The following ZNF280D variants were observed in gnomAD, a reference collection of about 807,000 sequenced individuals.
ZNF280D encodes suppressor of hairy wing homolog 4.
A neutral mutation model predicts 94.7 loss-of-function variants in ZNF280D; 39 were observed. The ratio of observed to expected loss-of-function variants is 0.41; its 90% confidence interval spans 0.32 to 0.54. The LOEUF (loss-of-function observed/expected upper bound fraction) is 0.54. Among genes scored for constraint, ZNF280D ranks in the 20% least tolerant of loss-of-function variants. The pLI, the probability that ZNF280D is intolerant of heterozygous loss-of-function variation, is 0.22. For missense variants in ZNF280D, 1,090 were observed against 1,149.3 expected (o/e 0.95, Z 0.75); for synonymous variants, 398 against 377.6 (o/e 1.05, Z -0.63).
chr15:56,661,649 A>C (rs2053950831), intron 16 of ZNF280D, among the ~76,000 whole-genome samples: 1 of 152,068 alleles, frequency 6.6e-6, no homozygotes, highest in Non-Finnish European at 1.5e-5. Context: ...ATCTTCCCTT[A>C]TTTCTTGTTT....
chr15:56,653,896 C>T, intron 19 of ZNF280D: 1 of 1,254,168 alleles, frequency 8.0e-7, no homozygotes, highest in African/African-American at 1.6e-5. Context: ...GAATAAGAAT[C>T]TAGTCCCATT....
chr15:56,712,594 C>CAAAAA (rs1171267893), intron 1 of ZNF280D, among the ~76,000 whole-genome samples: 14 of 76,922 alleles, frequency 1.8e-4, no homozygotes, highest in Non-Finnish European at 2.5e-4. Flanking sequence ...ACCCTCATAC[C>CAAAAA]AAAAAAAAAA....
intron 1 of ZNF280D, among the ~76,000 whole-genome samples, chr15:56,710,474 C>A (rs2057699343): frequency 1.3e-5 from 2 of 151,662 alleles, no homozygotes; most frequent in South Asian, 4.2e-4. Flanking sequence ...ACTACTAACT[C>A]AGGTACAGAT....
At chr15:56,648,217 T>G (rs148316679) in intron 19 of ZNF280D, among the ~76,000 whole-genome samples, 1 of 152,280 alleles carries the variant, frequency 6.6e-6, no homozygotes, top group Non-Finnish European at 1.5e-5. Flanking sequence ...TAAAACATGC[T>G]GAGTATCACT....
At chr15:56,710,454 C>G (rs757511105) in intron 1 of ZNF280D, among the ~76,000 whole-genome samples, 2 of 151,696 alleles carry the variant, frequency 1.3e-5, no homozygotes, top group Non-Finnish European at 2.9e-5. Flanking sequence ...AAAGAGGACT[C>G]TCAACTTCAA....
Position 56,666,940 on chromosome 15 carries a change from G to A in ZNF280D, c.1592C>T (p.Pro531Leu). The A allele has an allele frequency of 6.2e-7, 1 of 1,611,760 alleles. No individual in the cohort carries two copies. Among genetic ancestry groups the A allele is most frequent in the Non-Finnish European group, 8.5e-7 (1 of 1,178,838 alleles). Residue 531 changes from proline to leucine, a missense_variant, in exon 15 of 22, where the codon CCT becomes CTT. By Grantham distance (98) the Pro-to-Leu change is moderately conservative. This residue lies in a region of ZNF280D where 577 missense variants were observed against 568.8 expected (regional missense o/e 1.01). Coordinates refer to ENST00000267807, the MANE Select transcript of ZNF280D (RefSeq NM_017661.4). ...AGCACTTGCACTAATGGAAGGTGTA[G>A]GTGAAGCTCCTGATTGCAGAGGTCC... ...SVGPLQSGAS[P>L]TPSISASAST...
chr15:56,676,939 T>C, intron 12 of ZNF280D, 123 bp from the exon 13 acceptor site: 1 of 688,692 alleles, frequency 1.5e-6, no homozygotes, highest in South Asian at 2.2e-5. Context: ...CTCTGATGCC[T>C]TTGCAACCAA....
chr15:56,733,217 G>A (rs2058987570), intron 1 of ZNF280D, among the ~76,000 whole-genome samples: 1 of 152,292 alleles, frequency 6.6e-6, no homozygotes, highest in African/African-American at 2.4e-5. Flanking sequence ...CAGGCCTGCA[G>A]CAGCCGAGGC....
chr15:56,647,532 ATTTAT>A (rs1292682921), intron 19 of ZNF280D, among the ~76,000 whole-genome samples: 1 of 151,698 alleles, frequency 6.6e-6, no homozygotes, highest in East Asian at 1.9e-4. Flanking sequence ...CACAACTTCT[ATTTAT>A]TTATTTATTT....
At chr15:56,709,270 ACTGG>A (rs2057608830) in intron 1 of ZNF280D, among the ~76,000 whole-genome samples, 1 of 152,214 alleles carries the variant, frequency 6.6e-6, no homozygotes, top group South Asian at 2.1e-4. Flanking sequence ...GCTCATCATC[ACTGG>A]CTATCAGAGA....
At chr15:56,684,230 A>G (rs779421092) in intron 9 of ZNF280D, among the ~76,000 whole-genome samples, 26 of 152,204 alleles carry the variant, frequency 1.7e-4, no homozygotes, top group Admixed American at 6.5e-4. Context: ...TCCTCCTAAA[A>G]GGAACTTGTA....
intron 13 of ZNF280D, among the ~76,000 whole-genome samples, chr15:56,675,930 C>T (rs2055199808): frequency 6.6e-6 from 1 of 151,924 alleles, no homozygotes; most frequent in African/African-American, 2.4e-5. Context: ...CACGCAAGAA[C>T]AGGATTAGTA....
intron 1 of ZNF280D, among the ~76,000 whole-genome samples, chr15:56,729,266 C>A (rs992411280): frequency 6.6e-6 from 1 of 152,138 alleles, no homozygotes; most frequent in East Asian, 1.9e-4. Context: ...TAACTTGTGA[C>A]AAATTTTTTA....
chr15:56,666,380 T>C lies in ZNF280D; in HGVS notation c.1994+15A>G. On this transcript the variant is annotated intron_variant, in intron 16 of 21. Transcript: ENST00000267807. Reference sequence around the variant, plus strand: ...ATAATTTTAATTGGCAATTTACACATTTAATTCATCTTACCTCATCATATG... The same window carrying C: ...ATAATTTTAATTGGCAATTTACACACTTAATTCATCTTACCTCATCATATG... 3.1e-6 allele frequency: 5 copies of C among 1,600,804 alleles called. No homozygotes were observed. Among genetic ancestry groups the C allele is most frequent in the Non-Finnish European group, 4.3e-6 (5 of 1,175,666 alleles).
intron 1 of ZNF280D, among the ~76,000 whole-genome samples, chr15:56,712,836 G>A (rs1191865864): frequency 2.7e-5 from 4 of 150,872 alleles, no homozygotes; most frequent in African/African-American, 2.4e-5. Flanking sequence ...CACCTTCCAG[G>A]TTCAAGTGAT....
chr15:56,669,074 T>A (rs12911191), intron 13 of ZNF280D, 117 bp from the exon 14 acceptor site: 531,279 of 929,328 alleles, frequency 0.57, 152,659 homozygotes, highest in Non-Finnish European at 0.61. Context: ...ACTTGCGGTT[T>A]AACATCTCCT....
In ZNF280D at chr15:56,688,068, G is replaced by C. The variant is rs2056154721; in HGVS notation, c.780+973C>G. On this transcript the variant is annotated intron_variant, in intron 9 of 21. Transcript: ENST00000267807. ...TTCTCCCTTCCTGTCATTTATACTG[G>C]GCATGCAAGGGGAGTACAGACCATC... is the stretch of plus-strand genomic sequence containing the variant. 2.0e-5 allele frequency among the ~76,000 whole-genome samples: 3 copies of C among 151,376 alleles called. No individual in the cohort carries two copies. The South Asian group carries it at 6.3e-4, about 32-fold the overall frequency.
At chr15:56,718,801 G>C (rs1442641418) in intron 1 of ZNF280D, among the ~76,000 whole-genome samples, 1 of 152,154 alleles carries the variant, frequency 6.6e-6, no homozygotes, top group Non-Finnish European at 1.5e-5. Flanking sequence ...TTTGCTAAAA[G>C]CAAGTATCCA....
At chr15:56,687,527 G>C (rs1258281511) in intron 9 of ZNF280D, among the ~76,000 whole-genome samples, 3 of 152,212 alleles carry the variant, frequency 2.0e-5, no homozygotes, top group Middle Eastern at 3.4e-3. Flanking sequence ...TTTTCTTTGA[G>C]TCATACTAGG....
Sources: gnomAD v4.1 joint callset for allele counts (sites outside exome capture counted in the v4.1 genomes callset) on GRCh38, gnomAD v4.1.1 for gene constraint, gnomAD v4.1.1 regional missense constraint, MANE v1.5 for transcripts, NCBI Gene and HGNC (gene_info 2026-07-23, HGNC 2026-07-21) for gene names.